Variants in CADPS observed in about 807,000 individuals in gnomAD.
The protein encoded by CADPS is calcium dependent secretion activator, also known as calcium-dependent secretion activator 1.
CADPS carries 57 observed loss-of-function variants against 167.3 expected under a neutral mutation model. That is an observed-to-expected ratio of 0.34 (90% confidence interval 0.28 to 0.42). The LOEUF (loss-of-function observed/expected upper bound fraction) is 0.42. CADPS is among the 20% of genes least tolerant of loss of function. The probability of loss-of-function intolerance (pLI) is 1.00; values close to 1 mark genes in which losing one functional copy is unlikely to be tolerated. For missense variants in CADPS, 1,414 were observed against 1,738.1 expected (o/e 0.81, Z 3.32); for synonymous variants, 676 against 635.3 (o/e 1.06, Z -0.96).
intron 3 of CADPS, among the ~76,000 whole-genome samples, chr3:62,716,605 T>C (rs2084682552): frequency 6.6e-6 from 1 of 151,054 alleles, no homozygotes; most frequent in Admixed American, 6.6e-5. Flanking sequence ...ATGACTTTAC[T>C]GTCTATATCA....
intron 3 of CADPS, among the ~76,000 whole-genome samples, chr3:62,739,828 G>T (rs1001569254): frequency 6.6e-6 from 1 of 152,208 alleles, no homozygotes; most frequent in Non-Finnish European, 1.5e-5. Context: ...AGAGACAAAG[G>T]AAGAGATTTC....
At chr3:62,578,710 G>T (rs1355339648) in intron 8 of CADPS, among the ~76,000 whole-genome samples, 1 of 151,598 alleles carries the variant, frequency 6.6e-6, no homozygotes, top group African/African-American at 2.4e-5. Context: ...AGAACTACAA[G>T]GAGAAACAAA....
At chr3:62,837,231 G>A (rs1291967796) in intron 1 of CADPS, among the ~76,000 whole-genome samples, 1 of 152,200 alleles carries the variant, frequency 6.6e-6, no homozygotes, top group East Asian at 1.9e-4. Context: ...GAAGCTCAGT[G>A]AAGTCAAGTA....
intron 8 of CADPS, 90 bp from the exon 9 acceptor site, chr3:62,571,028 A>G: frequency 2.2e-6 from 2 of 889,426 alleles, no homozygotes; most frequent in Non-Finnish European, 3.8e-6. Context: ...GTACTTATAA[A>G]CAAGGAAACG....
chr3:62,465,984 A>G lies in CADPS; in HGVS notation c.3552+355T>C, dbSNP rs2059893364. On this transcript the variant is annotated intron_variant, in intron 25 of 29. Coordinates refer to ENST00000383710, the MANE Select transcript of CADPS (RefSeq NM_003716.4). This position sits in a 1 kb window ranked among gnomAD's most constrained non-coding sequence, Gnocchi z 4.1. ...TATGACTCTCACTGCATGTGAAACT[A>G]GAGGAAAAGGGGTTTTCATGATGGC... Among the ~76,000 whole-genome samples, 1 of 152,220 alleles carries G rather than the reference A, an allele frequency of 6.6e-6. No individual in the cohort carries two copies. Among genetic ancestry groups the G allele is most frequent in the Non-Finnish European group, 1.5e-5 (1 of 68,030 alleles).
intron 2 of CADPS, among the ~76,000 whole-genome samples, chr3:62,759,378 G>A (rs1223359589): frequency 1.3e-5 from 2 of 152,102 alleles, no homozygotes; most frequent in Admixed American, 1.3e-4. Flanking sequence ...ATATCATGCA[G>A]CCATGAAAAA....
chr3:62,651,759 A>G (rs1033180987), intron 4 of CADPS, among the ~76,000 whole-genome samples: 10 of 152,156 alleles, frequency 6.6e-5, no homozygotes, highest in Admixed American at 1.3e-4. Flanking sequence ...GTTTCTTCAT[A>G]CTTCTAAGTC....
chr3:62,712,882 G>A (rs1430817487), intron 3 of CADPS, among the ~76,000 whole-genome samples: 23 of 152,128 alleles, frequency 1.5e-4, no homozygotes, highest in Non-Finnish European at 4.4e-5. Flanking sequence ...ACCACCTTTT[G>A]TGAGAGGAGG....
intron 4 of CADPS, among the ~76,000 whole-genome samples, chr3:62,652,671 A>G (rs2070510944): frequency 6.6e-6 from 1 of 152,210 alleles, no homozygotes; most frequent in East Asian, 1.9e-4. Context: ...ACAAAGAGAG[A>G]GAAGAAGTAA....
intron 1 of CADPS, among the ~76,000 whole-genome samples, chr3:62,777,938 C>G (rs17201935): frequency 0.023 from 3,470 of 152,274 alleles, 63 homozygotes; most frequent in South Asian, 0.061. Flanking sequence ...TATGAGCCGG[C>G]TGAATTGTAC....
At chr3:62,671,452 C>A (rs1033738719) in intron 3 of CADPS, among the ~76,000 whole-genome samples, 4 of 152,002 alleles carry the variant, frequency 2.6e-5, no homozygotes, top group Admixed American at 2.6e-4. Flanking sequence ...AGGAAGCAGG[C>A]GGTTTTGTGA....
At chr3:62,797,370 T>C (rs542570765) in intron 1 of CADPS, among the ~76,000 whole-genome samples, 19 of 152,274 alleles carry the variant, frequency 1.2e-4, no homozygotes, top group African/African-American at 4.3e-4. Context: ...GCACTTTGCA[T>C]GCAGTAGACG....
chr3:62,731,850 A>C, intron 3 of CADPS, among the ~76,000 whole-genome samples: 1 of 148,998 alleles, frequency 6.7e-6, no homozygotes, highest in Non-Finnish European at 1.5e-5. Flanking sequence ...GAAGAAAGGA[A>C]AGAAAGGAAA....
Position 62,467,381 on chromosome 3 carries a change from G to T in CADPS, c.3478-968C>A. ...AGTGCAAATACAAATTAGGACAAAAGGACACATGAGAAAATAAAAATTAAA... is the reference window on the plus strand; with the variant it reads ...AGTGCAAATACAAATTAGGACAAAATGACACATGAGAAAATAAAAATTAAA... On this transcript the variant is annotated intron_variant, in intron 24 of 29. Transcript: ENST00000383710. 3 of 804,112 alleles carry T rather than the reference G, an allele frequency of 3.7e-6. No individual in the cohort carries two copies. In the South Asian group the frequency reaches 5.2e-5, roughly 14 times the overall value. The allele number at this position is 804,112 out of a possible 1,614,324, so 49.8% of individuals were successfully genotyped here.
chr3:62,780,774 T>A (rs939306166), intron 1 of CADPS, among the ~76,000 whole-genome samples: 3 of 152,212 alleles, frequency 2.0e-5, no homozygotes, highest in Non-Finnish European at 2.9e-5. Context: ...AAATCTCTCA[T>A]CATTTATTGC....
At chr3:62,849,095 A>C (rs1393775681) in intron 1 of CADPS, among the ~76,000 whole-genome samples, 1 of 151,434 alleles carries the variant, frequency 6.6e-6, no homozygotes, top group African/African-American at 2.4e-5. Flanking sequence ...GTTGGTGTAT[A>C]AGAATGCTTG....
intron 6 of CADPS, among the ~76,000 whole-genome samples, chr3:62,594,152 A>AT (rs1322670285): frequency 2.9e-5 from 4 of 137,288 alleles, no homozygotes; most frequent in Non-Finnish European, 4.7e-5. Context: ...TATTTTTTTT[A>AT]TTTTTTTTAT....
intron 22 of CADPS, among the ~76,000 whole-genome samples, chr3:62,479,617 G>A (rs1183395680): frequency 6.6e-6 from 1 of 152,262 alleles, no homozygotes; most frequent in African/African-American, 2.4e-5. Context: ...CCTACGGCCT[G>A]GACCAACAGG....
chr3:62,846,684 T>A (rs1050478280), intron 1 of CADPS, among the ~76,000 whole-genome samples: 2 of 152,220 alleles, frequency 1.3e-5, no homozygotes, highest in Non-Finnish European at 2.9e-5. Context: ...TTTTTGTTTT[T>A]TGAGACGGAG....
Sources: allele counts gnomAD v4.1 joint callset (sites outside exome capture counted in the v4.1 genomes callset), GRCh38; gene constraint gnomAD v4.1.1; non-coding constraint Gnocchi (gnomAD v3.1); transcripts MANE v1.5; gene names NCBI Gene and HGNC (gene_info 2026-07-23, HGNC 2026-07-21).